Variants in LRMDA observed in about 807,000 individuals in gnomAD.
The protein encoded by LRMDA is leucine rich melanocyte differentiation associated, also known as leucine-rich melanocyte differentiation-associated protein.
Under a neutral mutation model 29.8 loss-of-function variants are expected in LRMDA, and 18 were observed. The ratio of observed to expected loss-of-function variants is 0.60; its 90% CI spans 0.42 to 0.90. The LOEUF (loss-of-function observed/expected upper bound fraction) is 0.90. Among genes scored for constraint, LRMDA ranks in the 40% least tolerant of loss-of-function variants. The pLI is 0.00. For missense variants in LRMDA, 273 were observed against 273.9 expected (o/e 1.00, Z 0.02); for synonymous variants, 125 against 109.4 (o/e 1.14, Z -0.89).
chr10:76,176,348 A>C (rs1245335999), intron 5 of LRMDA, among the ~76,000 whole-genome samples: 1 of 152,218 alleles, frequency 6.6e-6, no homozygotes, highest in Non-Finnish European at 1.5e-5. Flanking sequence ...AAAGGGCGGT[A>C]ATGAATACCG....
intron 2 of LRMDA, among the ~76,000 whole-genome samples, chr10:76,002,369 T>C (rs1847576645): frequency 6.6e-6 from 1 of 152,006 alleles, no homozygotes; most frequent in Non-Finnish European, 1.5e-5. Context: ...GGTTGCGGGG[T>C]GGGGCACAAA....
chr10:76,131,813 G>C (rs867725427), intron 5 of LRMDA, among the ~76,000 whole-genome samples: 2 of 152,154 alleles, frequency 1.3e-5, no homozygotes, highest in Non-Finnish European at 2.9e-5. Context: ...TTATATCATA[G>C]TAGTTTTGTG....
At chr10:75,443,563 ATGATG>A (rs1247082297) in intron 2 of LRMDA, among the ~76,000 whole-genome samples, 1 of 152,148 alleles carries the variant, frequency 6.6e-6, no homozygotes, top group Non-Finnish European at 1.5e-5. Context: ...ATCCCACTTG[ATGATG>A]GTGCATGATT....
intron 2 of LRMDA, among the ~76,000 whole-genome samples, chr10:75,932,354 A>G (rs1220322816): frequency 1.3e-5 from 2 of 152,178 alleles, no homozygotes; most frequent in Non-Finnish European, 2.9e-5. Context: ...GAAACTCATT[A>G]AAGAACTCAA....
intron 6 of LRMDA, among the ~76,000 whole-genome samples, chr10:76,424,328 G>A (rs192957934): frequency 1.7e-3 from 253 of 152,150 alleles, no homozygotes; most frequent in African/African-American, 5.4e-3. Context: ...AGGAGATTGA[G>A]ACCATCCTGA....
At chr10:76,450,770 T>C (rs1486780864) in intron 6 of LRMDA, among the ~76,000 whole-genome samples, 1 of 152,224 alleles carries the variant, frequency 6.6e-6, no homozygotes, top group Non-Finnish European at 1.5e-5. Context: ...ATTTCTTAAT[T>C]CGGCCAGTTT....
intron 2 of LRMDA, among the ~76,000 whole-genome samples, chr10:75,922,286 T>G (rs1846039682): frequency 6.6e-6 from 1 of 152,226 alleles, no homozygotes; most frequent in African/African-American, 2.4e-5. Flanking sequence ...TAATGGTCTC[T>G]CTCATTATTC....
intron 4 of LRMDA, among the ~76,000 whole-genome samples, chr10:76,055,350 G>A (rs1564640643): frequency 6.6e-6 from 1 of 152,288 alleles, no homozygotes; most frequent in Non-Finnish European, 1.5e-5. Flanking sequence ...TCCTGTGAAG[G>A]TTATTCCTGC....
chr10:75,546,953 G>C (rs951114256), intron 2 of LRMDA, among the ~76,000 whole-genome samples: 2 of 152,156 alleles, frequency 1.3e-5, no homozygotes, highest in African/African-American at 4.8e-5. Flanking sequence ...CTTAGGTTTA[G>C]ATGGTTTGGG....
chr10:76,541,663 C>T (rs1843357305), intron 6 of LRMDA, among the ~76,000 whole-genome samples: 1 of 152,058 alleles, frequency 6.6e-6, no homozygotes, highest in South Asian at 2.1e-4. Context: ...TTTGTTTTGG[C>T]ATTTATTTCT....
chr10:76,285,827 G>T (rs555754989), intron 5 of LRMDA, among the ~76,000 whole-genome samples: 2 of 152,230 alleles, frequency 1.3e-5, no homozygotes, highest in South Asian at 4.1e-4. Context: ...AAAGTTAATT[G>T]AATTTAATTT....
chr10:76,125,148 T>C (rs952137248), intron 5 of LRMDA, among the ~76,000 whole-genome samples: 2 of 152,256 alleles, frequency 1.3e-5, no homozygotes, highest in African/African-American at 4.8e-5. Flanking sequence ...TTATTTCTCT[T>C]GTTCCCTCCT....
At chr10:76,180,809 T>C (rs1851034453) in intron 5 of LRMDA, among the ~76,000 whole-genome samples, 1 of 152,208 alleles carries the variant, frequency 6.6e-6, no homozygotes. Context: ...CTATGTATCT[T>C]ATTTGGAATC....
chr10:76,462,146 C>T (rs1350332847), intron 6 of LRMDA, among the ~76,000 whole-genome samples: 6 of 149,272 alleles, frequency 4.0e-5, no homozygotes, highest in South Asian at 2.1e-4. Context: ...ACCAAAAAAA[C>T]CAGAATGTGA....
intron 6 of LRMDA, among the ~76,000 whole-genome samples, chr10:76,370,619 C>A (rs933084998): frequency 1.3e-5 from 2 of 152,090 alleles, no homozygotes; most frequent in Non-Finnish European, 2.9e-5. Context: ...GAGAGAAAGA[C>A]TATATTCGTA....
At chr10:75,904,510 G>A (rs943469754) in intron 2 of LRMDA, among the ~76,000 whole-genome samples, 1 of 152,124 alleles carries the variant, frequency 6.6e-6, no homozygotes, top group South Asian at 2.1e-4. Context: ...GGATTTGACA[G>A]TATGTTACGA....
At chr10:76,214,894 G>GTTGAGTGAAGTTC (rs1308447110) in intron 5 of LRMDA, among the ~76,000 whole-genome samples, 3 of 152,210 alleles carry the variant, frequency 2.0e-5, no homozygotes, top group African/African-American at 7.2e-5. Context: ...GTTGAATGAA[G>GTTGAGTGAAGTTC]TGCTGGGAAC....
At chr10:76,445,955 A>G (rs1161623154) in intron 6 of LRMDA, among the ~76,000 whole-genome samples, 2 of 152,240 alleles carry the variant, frequency 1.3e-5, no homozygotes, top group Non-Finnish European at 2.9e-5. Context: ...TAAAATATTT[A>G]GAAATAACTG....
intron 2 of LRMDA, among the ~76,000 whole-genome samples, chr10:75,507,940 T>A (rs1051845012): frequency 1.3e-5 from 2 of 152,226 alleles, no homozygotes; most frequent in Non-Finnish European, 2.9e-5. Context: ...CAGCTCTCAA[T>A]TGAGCCCTAT....
Sources: gnomAD v4.1 joint callset for allele counts (sites outside exome capture counted in the v4.1 genomes callset) on GRCh38, gnomAD v4.1.1 for gene constraint, MANE v1.5 for transcripts, NCBI Gene and HGNC (gene_info 2026-07-23, HGNC 2026-07-21) for gene names.